BMPR1B: variants seen among roughly 807,000 people sequenced by gnomAD.
BMPR1B encodes the protein bone morphogenetic protein receptor type-1B.
BMPR1B carries 12 observed loss-of-function variants against 59.1 expected under a neutral mutation model. That is an observed-to-expected ratio of 0.20 (90% CI 0.13 to 0.33). The LOEUF (loss-of-function observed/expected upper bound fraction) is 0.33. BMPR1B is among the 10% of genes least tolerant of loss of function. BMPR1B has a pLI of 1.00. For missense variants in BMPR1B, 550 were observed against 610.9 expected (o/e 0.90, Z 1.05); for synonymous variants, 237 against 207.3 (o/e 1.14, Z -1.23).
chr4:94,809,640 T>C (rs1260838430), intron 1 of BMPR1B, among the ~76,000 whole-genome samples: 1 of 152,242 alleles, frequency 6.6e-6, no homozygotes, highest in Non-Finnish European at 1.5e-5. Flanking sequence ...TTGTGTACAT[T>C]GTACTGCTCC....
intron 3 of BMPR1B, among the ~76,000 whole-genome samples, chr4:95,100,886 TTAA>T (rs1730772067): frequency 6.6e-6 from 1 of 151,048 alleles, no homozygotes; most frequent in African/African-American, 2.5e-5. Context: ...GATGAGAGTA[TTAA>T]TAATAATTTT....
At chr4:94,856,269 G>A (rs916876) in intron 1 of BMPR1B, among the ~76,000 whole-genome samples, 92,480 of 152,024 alleles carry the variant, frequency 0.61, 29,008 homozygotes, top group African/African-American at 0.76. Flanking sequence ...TCCATCTGCT[G>A]CAGGGGTGCC....
At chr4:95,062,930 C>A (rs772991155) in intron 3 of BMPR1B, among the ~76,000 whole-genome samples, 1 of 152,128 alleles carries the variant, frequency 6.6e-6, no homozygotes, top group Non-Finnish European at 1.5e-5. Context: ...GCTTCGTTTC[C>A]TCCTGTGGCT....
chr4:94,918,181 GT>G (rs527259023), intron 2 of BMPR1B, among the ~76,000 whole-genome samples: 233 of 151,740 alleles, frequency 1.5e-3, no homozygotes, highest in Admixed American at 2.6e-3. Flanking sequence ...AGAAATACAA[GT>G]TTTTTTTCAA....
chr4:94,926,119 C>T (rs1728883032), intron 2 of BMPR1B, among the ~76,000 whole-genome samples: 1 of 144,992 alleles, frequency 6.9e-6, no homozygotes, highest in Admixed American at 7.0e-5. Context: ...CTCCCTTCCT[C>T]CCTCCCTGCC....
At chr4:95,082,767 G>A (rs1339956567) in intron 3 of BMPR1B, among the ~76,000 whole-genome samples, 1 of 152,112 alleles carries the variant, frequency 6.6e-6, no homozygotes, top group African/African-American at 2.4e-5. Flanking sequence ...TCATGGGTGT[G>A]GTGGCTCACG....
intron 1 of BMPR1B, among the ~76,000 whole-genome samples, chr4:94,840,239 C>T (rs1725002248): frequency 6.8e-6 from 1 of 147,576 alleles, no homozygotes; most frequent in Non-Finnish European, 1.5e-5. Flanking sequence ...AATTATGTGT[C>T]TTGGAGTTGC....
In BMPR1B at chr4:94,853,333, A is replaced by G. The variant is rs150422106; in HGVS notation, c.-182-22498A>G. On this transcript the variant is annotated intron_variant, in intron 1 of 12. Coordinates refer to ENST00000515059, the MANE Select transcript of BMPR1B (RefSeq NM_001203.3). ...TTAATTTATTGAAATACTGTGTCCAATTGTAAAGCTAAGAATACAAACCAC... is the reference window on the plus strand; with the variant it reads ...TTAATTTATTGAAATACTGTGTCCAGTTGTAAAGCTAAGAATACAAACCAC... Among the ~76,000 whole-genome samples the G allele has an allele frequency of 1.0e-3, 158 of 152,310 alleles. 2 individuals are homozygous for G. The highest frequency in any genetic ancestry group is 3.4e-3 in the Middle Eastern group (1 of 294).
intron 1 of BMPR1B, among the ~76,000 whole-genome samples, chr4:94,780,591 T>A (rs1312210267): frequency 6.6e-6 from 1 of 151,868 alleles, no homozygotes; most frequent in Admixed American, 6.6e-5. Context: ...TTGAGGAACA[T>A]CCAGGTTGTT....
chr4:94,973,178 T>G (rs1296157136), intron 2 of BMPR1B, among the ~76,000 whole-genome samples: 1 of 152,200 alleles, frequency 6.6e-6, no homozygotes. Context: ...CTCTTTCAGC[T>G]CTGCCATCTG....
At chr4:95,040,149 A>G (rs1725551124) in intron 3 of BMPR1B, among the ~76,000 whole-genome samples, 1 of 152,154 alleles carries the variant, frequency 6.6e-6, no homozygotes, top group Non-Finnish European at 1.5e-5. Context: ...TTTCTCTACT[A>G]TTAGTATCTT....
intron 3 of BMPR1B, among the ~76,000 whole-genome samples, chr4:95,017,109 C>A (rs1269253666): frequency 6.6e-6 from 1 of 152,212 alleles, no homozygotes; most frequent in Non-Finnish European, 1.5e-5. Context: ...CCACTGTGTA[C>A]TCTTTCCTTA....
At chr4:94,795,525 C>T (rs1031029816) in intron 1 of BMPR1B, among the ~76,000 whole-genome samples, 1 of 151,762 alleles carries the variant, frequency 6.6e-6, no homozygotes, top group African/African-American at 2.4e-5. Context: ...AGTGCAGTGG[C>T]GTGATCTCAG....
intron 2 of BMPR1B, among the ~76,000 whole-genome samples, chr4:94,919,163 T>C (rs909190669): frequency 1.3e-5 from 2 of 152,184 alleles, no homozygotes; most frequent in Non-Finnish European, 2.9e-5. Flanking sequence ...TTCAGTGTTA[T>C]GTTCTGAATC....
Position 94,902,716 on chromosome 4 carries a change from T to C in BMPR1B, c.-113+26816T>C, listed in dbSNP as rs142770720. ...ATATGTTGGGAATTTCATATCTCTT[T>C]GAATATATTAAATTTAAAATTAACT... On this transcript the variant is annotated intron_variant, in intron 2 of 12. Transcript: ENST00000515059. Among the ~76,000 whole-genome samples the C allele has an allele frequency of 6.4e-3, 978 of 152,126 alleles. 12 individuals carry two copies. Among genetic ancestry groups the C allele is most frequent in the African/African-American group, 0.023 (943 of 41,552 alleles).
intron 4 of BMPR1B, among the ~76,000 whole-genome samples, chr4:95,114,476 A>G (rs998894584): frequency 6.6e-6 from 1 of 152,116 alleles, no homozygotes; most frequent in Non-Finnish European, 1.5e-5. Context: ...GAAATGTTAG[A>G]TCCTTCTTTT....
chr4:94,971,103 A>G (rs1250971010), intron 2 of BMPR1B, among the ~76,000 whole-genome samples: 1 of 152,170 alleles, frequency 6.6e-6, no homozygotes, highest in Non-Finnish European at 1.5e-5. Context: ...CATTTGATGA[A>G]TTACTTATGT....
intron 2 of BMPR1B, among the ~76,000 whole-genome samples, chr4:94,968,975 T>C (rs1349765312): frequency 3.9e-5 from 6 of 152,130 alleles, no homozygotes; most frequent in Admixed American, 3.3e-4. Context: ...CTGTTCCTTT[T>C]TTGGTGGATT....
At chr4:94,787,657 T>G (rs1722810847) in intron 1 of BMPR1B, among the ~76,000 whole-genome samples, 1 of 152,232 alleles carries the variant, frequency 6.6e-6, no homozygotes, top group South Asian at 2.1e-4. Context: ...GGTTCTTCAT[T>G]TGCTTTAAGA....
Sources: gnomAD v4.1 joint callset for allele counts (sites outside exome capture counted in the v4.1 genomes callset) on GRCh38, gnomAD v4.1.1 for gene constraint, MANE v1.5 for transcripts, NCBI Gene and HGNC (gene_info 2026-07-23, HGNC 2026-07-21) for gene names.